USP34: variants seen among roughly 807,000 people sequenced by gnomAD.
The protein encoded by USP34 is ubiquitin specific peptidase 34, also known as ubiquitin carboxyl-terminal hydrolase 34.
Under a neutral mutation model 460.3 loss-of-function variants are expected in USP34, and 70 were observed. The observed-to-expected ratio is 0.15, with a 90% confidence interval of 0.13 to 0.19. The LOEUF (loss-of-function observed/expected upper bound fraction) is 0.19. Among genes scored for constraint, USP34 ranks in the 10% least tolerant of loss-of-function variants. USP34 has a pLI of 1.00. For missense variants in USP34, 3,985 were observed against 4,236.2 expected, an observed-to-expected ratio of 0.94 and a Z score of 1.65; for synonymous variants, 1,647 against 1,405.3, an observed-to-expected ratio of 1.17 and a Z score of -3.85.
intron 10 of USP34, among the ~76,000 whole-genome samples, chr2:61,367,415 G>A (rs1346348882): frequency 2.6e-5 from 4 of 152,188 alleles, no homozygotes; most frequent in African/African-American, 9.6e-5. Context: ...AGAAGTTCAA[G>A]GCTGCAATGA....
chr2:61,334,666 T>C (rs1300317200), intron 18 of USP34, among the ~76,000 whole-genome samples: 1 of 152,210 alleles, frequency 6.6e-6, no homozygotes, highest in Non-Finnish European at 1.5e-5. Context: ...TTTTCATTTA[T>C]AAAATGCAAT....
chr2:61,317,629 T>C, intron 23 of USP34, 25 bp downstream of exon 23: 1 of 1,565,314 alleles, frequency 6.4e-7, no homozygotes, highest in Non-Finnish European at 8.7e-7. Context: ...TAAAGTTGCC[T>C]AATAAAGTAA....
chr2:61,363,863 T>A (rs1035280192), intron 10 of USP34, among the ~76,000 whole-genome samples: 1 of 152,202 alleles, frequency 6.6e-6, no homozygotes, highest in African/African-American at 2.4e-5. Flanking sequence ...GTATTAGTCA[T>A]AAAAGGAATG....
chr2:61,380,381 GAAAATACACA>G lies in USP34; in HGVS notation c.822-30_822-21del, dbSNP rs745769752. On this transcript the variant is annotated intron_variant, in intron 6 of 79. Coordinates refer to ENST00000398571, the MANE Select transcript of USP34 (RefSeq NM_014709.4). ...AAATACCTGAAATGATTCAGAAATA[GAAAATACACA>G]AAAATTCATAAAGCATTTTTAAAGA... is the stretch of plus-strand genomic sequence containing the variant. 1 of 1,582,850 alleles carries G rather than the reference GAAAATACACA, an allele frequency of 6.3e-7. No individual in the cohort carries two copies. Among genetic ancestry groups the G allele is most frequent in the Non-Finnish European group, 8.6e-7 (1 of 1,163,086 alleles).
At chr2:61,313,164 A>T (rs557686763) in intron 25 of USP34, among the ~76,000 whole-genome samples, 296 of 152,258 alleles carry the variant, frequency 1.9e-3, no homozygotes, top group Non-Finnish European at 3.0e-3. Context: ...ATTTTTATAT[A>T]AACTATTTAA....
At chr2:61,189,090 A>G in intron 78 of USP34, 21 bp from the exon 79 acceptor site, 1 of 1,598,898 alleles carries the variant, frequency 6.3e-7, no homozygotes, top group Non-Finnish European at 8.5e-7. Context: ...CCAGATAGGA[A>G]CATTTCAAAT....
chr2:61,341,557 G>A (rs1477875337), intron 16 of USP34, among the ~76,000 whole-genome samples: 4 of 151,914 alleles, frequency 2.6e-5, no homozygotes, highest in Admixed American at 1.3e-4. Flanking sequence ...TTGTTTAGAA[G>A]AGAGTGACAC....
chr2:61,364,826 A>G (rs933957658), intron 10 of USP34, among the ~76,000 whole-genome samples: 13 of 152,162 alleles, frequency 8.5e-5, no homozygotes, highest in African/African-American at 3.1e-4. Flanking sequence ...GCTACTCGGG[A>G]GGCTAAGGTA....
intron 43 of USP34, among the ~76,000 whole-genome samples, chr2:61,263,427 C>T (rs1291230534): frequency 6.6e-6 from 1 of 151,686 alleles, no homozygotes; most frequent in Non-Finnish European, 1.5e-5. Flanking sequence ...GTGATCCGCC[C>T]GCCTCGGCCT....
intron 1 of USP34, among the ~76,000 whole-genome samples, chr2:61,462,113 C>T (rs1175488946): frequency 6.6e-6 from 1 of 151,782 alleles, no homozygotes; most frequent in Non-Finnish European, 1.5e-5. Context: ...GTGGCAGTTG[C>T]CTGTAATCAC....
chr2:61,420,690 G>T (rs748465432), intron 2 of USP34, 56 bp downstream of exon 2: 3 of 1,350,098 alleles, frequency 2.2e-6, no homozygotes, highest in Non-Finnish European at 3.1e-6. Flanking sequence ...AATAAAAATC[G>T]CAACTTATAA....
At chr2:61,289,317 C>G (rs1689780153) in intron 33 of USP34, among the ~76,000 whole-genome samples, 2 of 152,038 alleles carry the variant, frequency 1.3e-5, no homozygotes, top group African/African-American at 4.8e-5. Flanking sequence ...TACTTACGGA[C>G]CAAAGCAATT....
At chr2:61,463,296 C>G (rs928533440) in intron 1 of USP34, among the ~76,000 whole-genome samples, 4 of 151,836 alleles carry the variant, frequency 2.6e-5, no homozygotes, top group African/African-American at 9.7e-5. Context: ...CCACTGCACC[C>G]CAGCATGGGT....
intron 1 of USP34, among the ~76,000 whole-genome samples, chr2:61,452,480 A>G (rs558556737): frequency 8.6e-5 from 13 of 151,866 alleles, no homozygotes; most frequent in African/African-American, 2.9e-4. Flanking sequence ...ATGCATCACC[A>G]CACCCTACTA....
chr2:61,369,802 T>C (rs1472047627), intron 10 of USP34, among the ~76,000 whole-genome samples: 1 of 151,062 alleles, frequency 6.6e-6, no homozygotes, highest in Non-Finnish European at 1.5e-5. Context: ...GTTGGTATGC[T>C]ACATTTGTGA....
At chr2:61,437,683 G>C (rs1400582779) in intron 1 of USP34, among the ~76,000 whole-genome samples, 3 of 152,036 alleles carry the variant, frequency 2.0e-5, no homozygotes, top group Non-Finnish European at 4.4e-5. Context: ...TGAGGCAGGA[G>C]AATGGCTTGA....
chr2:61,310,784 T>C (rs1690567664), intron 27 of USP34, among the ~76,000 whole-genome samples: 2 of 151,884 alleles, frequency 1.3e-5, no homozygotes, highest in African/African-American at 4.8e-5. Context: ...TTTTATATTC[T>C]CAGAAAAAAT....
intron 25 of USP34, 118 bp downstream of exon 25, chr2:61,314,467 T>C: frequency 3.3e-6 from 3 of 912,230 alleles, no homozygotes; most frequent in Non-Finnish European, 4.5e-6. Context: ...TTCACTTTGG[T>C]AAATTATGCT....
Position 61,288,755 on chromosome 2 carries a change from C to A in USP34, c.4671G>T (p.Arg1557Ser). The change falls in exon 34 of 80, where the codon AGG becomes AGT. Residue 1557 changes from arginine to serine, a missense_variant. This residue lies in a region of USP34 where 1,114 missense variants were observed against 1,122.5 expected (regional missense o/e 0.99). Coordinates refer to ENST00000398571, the MANE Select transcript of USP34 (RefSeq NM_014709.4). ...TTGATTTGCCAGGCCAGGTTCTTTT[C>A]CTATGGCTTTCCGCTATACCAGACC... The part of the protein sequence containing the change: ...FAWSGIAESH[R>S]KRTWPGKSRK... 6.2e-7 allele frequency: 1 copy of A among 1,614,032 alleles called. No homozygotes were observed. Among genetic ancestry groups the A allele is most frequent in the Non-Finnish European group, 8.5e-7 (1 of 1,179,956 alleles).
Sources: allele counts gnomAD v4.1 joint callset (sites outside exome capture counted in the v4.1 genomes callset), GRCh38; gene constraint gnomAD v4.1.1; regional missense constraint gnomAD v4.1.1; transcripts MANE v1.5; gene names NCBI Gene and HGNC (gene_info 2026-07-23, HGNC 2026-07-21).